Variants in PCDHA11 observed in about 807,000 individuals in gnomAD.
PCDHA11 encodes protocadherin alpha-11.
In PCDHA11, 61 loss-of-function variants were observed where a neutral mutation model predicts 70.3. The observed-to-expected ratio is 0.87, with a 90% CI of 0.71 to 1.07. The LOEUF (loss-of-function observed/expected upper bound fraction) is 1.07, where lower values mean the gene tolerates loss of function less well. Among genes scored for constraint, PCDHA11 ranks in the 50% least tolerant of loss-of-function variants. The pLI, the probability that PCDHA11 is intolerant of heterozygous loss-of-function variation, is 0.00. For missense variants in PCDHA11, 1,324 were observed against 1,237.5 expected, an observed-to-expected ratio of 1.07 and a Z score of -1.05; for synonymous variants, 633 against 555.1, an observed-to-expected ratio of 1.14 and a Z score of -1.97.
At chr5:141,000,377 C>G (rs1213637729) in intron 3 of PCDHA11, among the ~76,000 whole-genome samples, 1 of 58,954 alleles carries the variant, frequency 1.7e-5, no homozygotes, top group South Asian at 5.5e-4. Flanking sequence ...CTCTCTCTCT[C>G]TCTCTCTCTC....
chr5:140,973,384 CAAAG>C (rs1250756648), intron 1 of PCDHA11, among the ~76,000 whole-genome samples: 4 of 152,194 alleles, frequency 2.6e-5, no homozygotes, highest in Non-Finnish European at 5.9e-5. Context: ...TCAGAATAGA[CAAAG>C]AAATCATATC....
At chr5:140,876,945 C>T (rs1405794987) in intron 1 of PCDHA11, 2 of 1,613,474 alleles carry the variant, frequency 1.2e-6, no homozygotes, top group East Asian at 2.2e-5. Flanking sequence ...CGCTGGTGTC[C>T]TACTCGCTGG....
chr5:141,000,389 C>CTA (rs2097911342), intron 3 of PCDHA11, among the ~76,000 whole-genome samples: 14 of 62,576 alleles, frequency 2.2e-4, no homozygotes, highest in South Asian at 6.5e-4. Context: ...CTCTCTCTCT[C>CTA]TCTCTCTATA....
At chr5:141,006,612 AAGG>A (rs2098279964) in intron 3 of PCDHA11, among the ~76,000 whole-genome samples, 1 of 152,204 alleles carries the variant, frequency 6.6e-6, no homozygotes, top group African/African-American at 2.4e-5. Flanking sequence ...CAGACTGAAT[AAGG>A]AGACTATTGC....
intron 3 of PCDHA11, among the ~76,000 whole-genome samples, chr5:141,008,432 C>T (rs2098376587): frequency 6.6e-6 from 1 of 152,082 alleles, no homozygotes. Context: ...ATCACTTTGC[C>T]CAGACAGACC....
intron 1 of PCDHA11, among the ~76,000 whole-genome samples, chr5:140,972,533 T>C (rs2096540643): frequency 6.6e-6 from 1 of 152,134 alleles, no homozygotes; most frequent in African/African-American, 2.4e-5. Flanking sequence ...ATTTCATAAA[T>C]CACTTGTGCA....
intron 1 of PCDHA11, among the ~76,000 whole-genome samples, chr5:140,961,479 C>A (rs2095615905): frequency 6.6e-6 from 1 of 152,108 alleles, no homozygotes; most frequent in Admixed American, 6.6e-5. Context: ...TTTGTCTTGT[C>A]CACGTGAGTA....
chr5:140,973,134 C>T (rs999970948), intron 1 of PCDHA11, among the ~76,000 whole-genome samples: 6 of 152,182 alleles, frequency 3.9e-5, no homozygotes, highest in Admixed American at 6.5e-5. Flanking sequence ...AGTTTGCATT[C>T]ACTTTCACTT....
intron 1 of PCDHA11, chr5:140,877,743 G>A: frequency 6.2e-7 from 1 of 1,614,148 alleles, no homozygotes; most frequent in Non-Finnish European, 8.5e-7. Context: ...GGAGGCAGAG[G>A]GTGTGCTCTG....
chr5:140,955,676 C>T (rs374545278), intron 1 of PCDHA11, among the ~76,000 whole-genome samples: 40 of 152,096 alleles, frequency 2.6e-4, no homozygotes, highest in African/African-American at 8.7e-4. Context: ...ATAGTTTTTT[C>T]GAAATCTGTG....
intron 1 of PCDHA11, chr5:140,966,476 C>T (rs1326063829): frequency 1.8e-5 from 8 of 432,854 alleles, no homozygotes; most frequent in Non-Finnish European, 2.8e-5. Flanking sequence ...CTTCTGTTTC[C>T]TTTTCCCTCC....
intron 1 of PCDHA11, chr5:140,968,523 A>G (rs1441549667): frequency 8.1e-6 from 13 of 1,613,762 alleles, no homozygotes; most frequent in African/African-American, 1.3e-5. Flanking sequence ...ACCTCAACCA[A>G]CTCGTCAGCA....
chr5:140,869,552 C>G lies in PCDHA11; in HGVS notation c.449C>G (p.Ser150Trp), dbSNP rs537127263. ...ATTGCGGAATCTAAGCAATCGGACT[C>G]GCGTTTTCCACTAGAGGGAGCTTCT... The part of the protein sequence containing the change: ...LLIAESKQSD[S>W]RFPLEGASDA... The change falls in exon 1 of 4, where the codon TCG (serine) becomes TGG (tryptophan). Residue 150 changes from serine (S) to tryptophan (W), a missense_variant. Ser to Trp is a radical substitution (Grantham distance 177). Transcript: ENST00000398640. 12 of 1,614,022 alleles carry G rather than the reference C, an allele frequency of 7.4e-6. No homozygotes were observed. The African/African-American group carries it at 1.5e-4, about 20-fold the overall frequency.
chr5:140,896,485 C>T (rs1259028670), intron 1 of PCDHA11, among the ~76,000 whole-genome samples: 1 of 152,032 alleles, frequency 6.6e-6, no homozygotes, highest in African/African-American at 2.4e-5. Flanking sequence ...GCCTCAGCCT[C>T]CTGAGTAGCT....
chr5:140,982,330 A>G (rs1164990385), intron 2 of PCDHA11, 145 bp from the exon 3 acceptor site: 3 of 1,429,408 alleles, frequency 2.1e-6, no homozygotes, highest in Non-Finnish European at 2.8e-6. Flanking sequence ...GTGACTGCTC[A>G]GCAGTAATTG....
At chr5:140,947,304 T>A (rs1370804451) in intron 1 of PCDHA11, among the ~76,000 whole-genome samples, 1 of 151,606 alleles carries the variant, frequency 6.6e-6, no homozygotes, top group Admixed American at 6.6e-5. Flanking sequence ...CTTGACATCT[T>A]TGTAAAAAGT....
At chr5:140,907,430 T>G (rs1554192988) in intron 1 of PCDHA11, among the ~76,000 whole-genome samples, 1 of 152,244 alleles carries the variant, frequency 6.6e-6, no homozygotes, top group Non-Finnish European at 1.5e-5. Context: ...TAAGGCATTC[T>G]GTGAGTCCAC....
chr5:140,985,889 G>A (rs549796234), intron 3 of PCDHA11, among the ~76,000 whole-genome samples: 61 of 151,864 alleles, frequency 4.0e-4, no homozygotes, highest in Non-Finnish European at 5.7e-4. Context: ...ACAGGCGCCC[G>A]CCACCACTCC....
chr5:140,983,548 T>C (rs1479703561), intron 3 of PCDHA11, among the ~76,000 whole-genome samples: 1 of 152,212 alleles, frequency 6.6e-6, no homozygotes, highest in African/African-American at 2.4e-5. Context: ...GTCTCATTTA[T>C]TCCTTAAGTC....
Sources: gnomAD v4.1 joint callset for allele counts (sites outside exome capture counted in the v4.1 genomes callset) on GRCh38, gnomAD v4.1.1 for gene constraint, MANE v1.5 for transcripts, NCBI Gene and HGNC (gene_info 2026-07-23, HGNC 2026-07-21) for gene names.